The following G3BP2 variants were observed in gnomAD, a reference collection of about 807,000 sequenced individuals.
G3BP2 encodes the protein ras GTPase-activating protein-binding protein 2.
In G3BP2, 11 loss-of-function variants were observed where a neutral mutation model predicts 56.7. The ratio of observed to expected loss-of-function variants is 0.19; its 90% confidence interval spans 0.12 to 0.32. The LOEUF is 0.32. Ranked by LOEUF, G3BP2 falls within the 10% of genes least tolerant of loss-of-function variation. The pLI is 1.00. For synonymous variants in G3BP2, 165 were observed against 191.6 expected (o/e 0.86, Z 1.15); for missense variants, 340 against 610.9 (o/e 0.56, Z 4.67).
chr4:75,701,401 C>T (rs1719337829), intron 3 of G3BP2, among the ~76,000 whole-genome samples: 1 of 150,178 alleles, frequency 6.7e-6, no homozygotes, highest in East Asian at 2.0e-4. Flanking sequence ...GCTGGGATTA[C>T]AGGCGTGTGC....
Position 75,643,316 on chromosome 4 carries a change from TGGAAACAGAA to T in G3BP2, c.*2104_*2113del, listed in dbSNP as rs1560604917. 4.4e-5 allele frequency: 6 copies of T among 134,990 alleles called. No homozygotes were observed. The highest frequency in any genetic ancestry group is 4.5e-4 in the South Asian group (2 of 4,454). 8.4% of individuals were successfully genotyped at this position (134,990 alleles called of 1,614,324 possible). On this transcript the variant is annotated 3_prime_UTR_variant, in exon 12 of 12. Transcript: ENST00000359707. ...GAAATTATATATATATATATATATA[TGGAAACAGAA>T]ATACAAGAAAATATGCTTGGGGGAA...
At chr4:75,720,840 T>TAAAA (rs869191979) in intron 3 of G3BP2, among the ~76,000 whole-genome samples, 135 of 135,650 alleles carry the variant, frequency 1.0e-3, no homozygotes, top group East Asian at 5.4e-3. Context: ...AATAAATAAA[T>TAAAA]AAAAATATTT....
At chr4:75,720,497 G>GAT (rs1720121212) in intron 3 of G3BP2, among the ~76,000 whole-genome samples, 1 of 107,252 alleles carries the variant, frequency 9.3e-6, no homozygotes, top group African/African-American at 4.4e-5. Context: ...GCGAGACTCC[G>GAT]TCTCAAAAAA....
At chr4:75,662,075 T>A in intron 1 of G3BP2, 26 bp from the exon 2 acceptor site, 1 of 1,241,288 alleles carries the variant, frequency 8.1e-7, no homozygotes, top group Non-Finnish European at 1.2e-6. Context: ...CAAGAATAAC[T>A]ATTAAAAAGT....
rs761045470 is a variant in G3BP2 at position 75,661,961 on chromosome 4, A to G, written c.65T>C (p.Leu22Ser). The G allele has an allele frequency of 6.3e-7, 1 of 1,599,084 alleles. No homozygotes were observed. The highest frequency in any genetic ancestry group is 1.7e-5 in the Admixed American group (1 of 59,954). ...GREFVRQYYTLLNKAPEYLHR... is the reference protein window; with the variant it reads ...GREFVRQYYTSLNKAPEYLHR... ...TAAATATTCCGGAGCTTTATTCAGC[A>G]AAGTATAATATTGCCTCACAAACTC... The change falls in exon 2 of 12, where the codon TTG becomes TCG. Residue 22 changes from leucine (L) to serine (S), a missense_variant. Leu to Ser is a moderately radical substitution (Grantham distance 145). Around this residue, in one of 4 missense-constraint regions of G3BP2, gnomAD observed 21 missense variants for 83.7 expected, o/e 0.25. Coordinates refer to ENST00000359707, the MANE Select transcript of G3BP2 (RefSeq NM_203505.3).
At chr4:75,703,690 T>G (rs1038944538) in intron 3 of G3BP2, among the ~76,000 whole-genome samples, 1 of 152,172 alleles carries the variant, frequency 6.6e-6, no homozygotes, top group African/African-American at 2.4e-5. Context: ...GAGCACCAGA[T>G]TCTGACAGAG....
intron 3 of G3BP2, among the ~76,000 whole-genome samples, chr4:75,713,512 G>A (rs1433493395): frequency 2.6e-5 from 4 of 152,302 alleles, no homozygotes; most frequent in South Asian, 2.1e-4. Flanking sequence ...GCAGGGAGTG[G>A]TGGATCCTGC....
At chr4:75,678,270 CACA>C (rs1733948955), upstream of G3BP2, among the ~76,000 whole-genome samples, 1 of 151,370 alleles carries the variant, frequency 6.6e-6, no homozygotes, top group Non-Finnish European at 1.5e-5. Flanking sequence ...TAGCTGGGAC[CACA>C]GGTGTGCACT....
At chr4:75,660,483 G>T (rs543620081) in intron 2 of G3BP2, among the ~76,000 whole-genome samples, 5 of 152,224 alleles carry the variant, frequency 3.3e-5, no homozygotes, top group Middle Eastern at 3.4e-3. Context: ...GATCCTAGAT[G>T]AATTACTAAC....
chr4:75,670,428 C>A (rs534278335), intron 1 of G3BP2: 3 of 152,274 alleles, frequency 2.0e-5, no homozygotes, highest in Non-Finnish European at 2.9e-5. Context: ...CAAAGAAGAT[C>A]TAAGAATCAT....
At chr4:75,675,047 T>C (rs1421227640), upstream of G3BP2, among the ~76,000 whole-genome samples, 2 of 152,122 alleles carry the variant, frequency 1.3e-5, no homozygotes, top group East Asian at 3.9e-4. Context: ...TTATGCCCAT[T>C]TTATAGATGA....
rs1731017571 is a variant in G3BP2 at position 75,643,554 on chromosome 4, G to GC, written c.*1875dup. On this transcript the variant is annotated 3_prime_UTR_variant, in exon 12 of 12. Transcript: ENST00000359707. Reference sequence around the variant, plus strand: ...GTGTCCCCAAAATATATGCAATAGTGCAAGACTTTCCCTCAAACATGGAAG... The same window carrying GC: ...GTGTCCCCAAAATATATGCAATAGTGCCAAGACTTTCCCTCAAACATGGAAG... 6.6e-6 allele frequency: 1 copy of GC among 151,630 alleles called. No individual in the cohort carries two copies. Among genetic ancestry groups the GC allele is most frequent in the Non-Finnish European group, 1.5e-5 (1 of 67,842 alleles). 9.4% of individuals were successfully genotyped at this position (151,630 alleles called of 1,614,324 possible).
intron 2 of G3BP2, among the ~76,000 whole-genome samples, chr4:75,721,716 T>A (rs1245534567): frequency 2.0e-5 from 3 of 152,180 alleles, no homozygotes; most frequent in Non-Finnish European, 1.5e-5. Flanking sequence ...TAAAAAACAA[T>A]CTTATGCAAT....
At chr4:75,682,864 A>G (rs760230302) in intron 3 of G3BP2, among the ~76,000 whole-genome samples, 2 of 152,032 alleles carry the variant, frequency 1.3e-5, no homozygotes, top group South Asian at 4.2e-4. Context: ...TGTGCCTGTA[A>G]TCCTAGCTAC....
chr4:75,702,146 C>G (rs1222224688), intron 3 of G3BP2, among the ~76,000 whole-genome samples: 1 of 148,526 alleles, frequency 6.7e-6, no homozygotes, highest in African/African-American at 2.5e-5. Flanking sequence ...TCCCCCCTAC[C>G]TTAAGATGGT....
intron 3 of G3BP2, among the ~76,000 whole-genome samples, chr4:75,679,665 T>C (rs1471521380): frequency 6.6e-6 from 1 of 152,218 alleles, no homozygotes; most frequent in African/African-American, 2.4e-5. Context: ...GAACAAAGGT[T>C]GCAAGTTCTA....
intron 3 of G3BP2, among the ~76,000 whole-genome samples, chr4:75,688,111 G>T (rs1444652486): frequency 6.6e-6 from 1 of 151,938 alleles, no homozygotes. Flanking sequence ...AAAACTCTAC[G>T]TCTCATTTTG....
rs116568620 is a variant in G3BP2 at position 75,718,243 on chromosome 4, T to C, written c.-25+2634A>G. Among the ~76,000 whole-genome samples the C allele has an allele frequency of 6.2e-3, 938 of 151,886 alleles. 5 individuals carry two copies. The highest frequency in any genetic ancestry group is 0.015 in the African/African-American group (642 of 41,536). The stretch of plus-strand genomic sequence containing the variant: ...TGTTTCTTCTTTCTTTCTTTCTTTT[T>C]TTTTTTTAGGTGTTTCATAAGTAAT... On this transcript the variant is annotated intron_variant, in intron 3 of 3. Transcript: ENST00000499709.
At chr4:75,653,341 T>C (rs1007512895) in intron 8 of G3BP2, among the ~76,000 whole-genome samples, 1 of 152,140 alleles carries the variant, frequency 6.6e-6, no homozygotes, top group Non-Finnish European at 1.5e-5. Flanking sequence ...TTAATTAGAA[T>C]TTAGTTCATT....
Sources: gnomAD v4.1 joint callset for allele counts (sites outside exome capture counted in the v4.1 genomes callset) on GRCh38, gnomAD v4.1.1 for gene constraint, gnomAD v4.1.1 regional missense constraint, MANE v1.5 for transcripts, NCBI Gene and HGNC (gene_info 2026-07-23, HGNC 2026-07-21) for gene names.